LRRC38: variants seen among roughly 807,000 people sequenced by gnomAD.
The protein encoded by LRRC38 is leucine rich repeat containing 38.
LRRC38 carries 5 observed loss-of-function variants against 16.4 expected under a neutral mutation model. The observed-to-expected ratio is 0.31, with a 90% CI of 0.16 to 0.64. LRRC38 has a LOEUF of 0.64. LRRC38 is among the 30% of genes least tolerant of loss of function. The pLI is 0.80. For missense variants in LRRC38, 341 were observed against 401.8 expected, an observed-to-expected ratio of 0.85 and a Z score of 1.29; for synonymous variants, 191 against 190.2, an observed-to-expected ratio of 1.00 and a Z score of -0.04.
At position 13,487,879 on chromosome 1, in the gene LRRC38, G is replaced by A. The variant is rs1020925376; in HGVS notation, c.632-11780C>T. Among the ~76,000 whole-genome samples, 7 of 152,014 alleles carry A rather than the reference G, an allele frequency of 4.6e-5. No homozygotes were observed. Among genetic ancestry groups the A allele is most frequent in the Non-Finnish European group, 8.8e-5 (6 of 68,008 alleles). ...AGATTAACAACAGGCTCTGGTAAGCGCTTTTTGTCATTAAAAATATTTTTT... is the reference window on the plus strand; with the variant it reads ...AGATTAACAACAGGCTCTGGTAAGCACTTTTTGTCATTAAAAATATTTTTT... On this transcript the variant is annotated intron_variant, in intron 1 of 1. Transcript: ENST00000376085. The surrounding 1 kb of genome is among the most constrained non-coding windows in gnomAD (Gnocchi z 4.4).
intron 1 of LRRC38, among the ~76,000 whole-genome samples, chr1:13,489,411 G>C (rs1381255599): frequency 1.3e-5 from 2 of 152,102 alleles, no homozygotes; most frequent in Non-Finnish European, 2.9e-5. Flanking sequence ...AGTCACCTTT[G>C]ATATCTCTCA....
At chr1:13,496,156 A>AATAT (rs35329337) in intron 1 of LRRC38, among the ~76,000 whole-genome samples, 55 of 150,574 alleles carry the variant, frequency 3.7e-4, no homozygotes, top group East Asian at 2.2e-3. Context: ...GCGCTGATCA[A>AATAT]ATATATATAT....
In LRRC38 at chr1:13,513,483, C is replaced by A. The variant is rs1335309858; in HGVS notation, c.111G>T (p.Pro37=). 3.9e-6 allele frequency: 6 copies of A among 1,537,798 alleles called. No homozygotes were observed. In the African/African-American group the frequency reaches 8.2e-5, roughly 21 times the overall value. Residue 37 remains proline (P), a synonymous_variant, in exon 1 of 2, where the codon CCG becomes CCT. Coordinates refer to ENST00000376085, the MANE Select transcript of LRRC38 (RefSeq NM_001010847.2). ...CGCGGTCGCGGCAGTCCACGGTGTG[C>A]GGGTCGGTGCAGGCGCAGCCCGCGG... ...ACPAGCACTD[P]HTVDCRDRGL...
intron 1 of LRRC38, among the ~76,000 whole-genome samples, chr1:13,479,583 G>A (rs1277327920): frequency 3.3e-5 from 5 of 152,168 alleles, no homozygotes; most frequent in Non-Finnish European, 4.4e-5. Flanking sequence ...ACATTTCTCC[G>A]TGGCTAGAAG....
chr1:13,496,886 C>T (rs928249625), intron 1 of LRRC38, among the ~76,000 whole-genome samples: 13 of 152,026 alleles, frequency 8.6e-5, no homozygotes, highest in African/African-American at 2.2e-4. Context: ...AATGGGGCTG[C>T]GGCCCAGGGA....
intron 1 of LRRC38, among the ~76,000 whole-genome samples, chr1:13,499,133 A>G (rs908036757): frequency 2.6e-5 from 4 of 152,068 alleles, no homozygotes; most frequent in Non-Finnish European, 4.4e-5. Context: ...GTCTTACTCT[A>G]TCACCCAGGC....
chr1:13,508,749 AGTGTGACCT>A, intron 1 of LRRC38, among the ~76,000 whole-genome samples: 3 of 152,260 alleles, frequency 2.0e-5, no homozygotes, highest in Non-Finnish European at 2.9e-5. Flanking sequence ...AGAAAGGACC[AGTGTGACCT>A]TCAGGCAAGC....
At position 13,475,671 on chromosome 1, in the gene LRRC38, T is replaced by C; in HGVS notation, c.*175A>G. The C allele has an allele frequency of 6.6e-6, 5 of 758,164 alleles. No individual in the cohort carries two copies. The South Asian group carries it at 9.6e-5, about 15-fold the overall frequency. 47.0% of individuals were successfully genotyped at this position (758,164 alleles called of 1,614,324 possible). On this transcript the variant is annotated 3_prime_UTR_variant, in exon 2 of 2. Coordinates refer to ENST00000376085, the MANE Select transcript of LRRC38 (RefSeq NM_001010847.2). The surrounding 1 kb of genome is among the most constrained non-coding windows in gnomAD (Gnocchi z 4.3). ...CTGGGCTTCTGTGCTCTGCTGATTC[T>C]AAACTCTGAGATCAGTGGTCCCAGC... is the stretch of plus-strand genomic sequence containing the variant.
rs574415465 is a variant in LRRC38, at chr1:13,512,510, C to G, written c.631+453G>C. Among the ~76,000 whole-genome samples, 161 of 152,260 alleles carry G rather than the reference C, an allele frequency of 1.1e-3. 2 individuals carry two copies. The highest frequency in any genetic ancestry group is 3.8e-3 in the African/African-American group (156 of 41,560). ...AGAAGAGCAAACTGGAGCTGAGAAG[C>G]TGAGAGGCCAGGTTAGGCTCGGGAA... On this transcript the variant is annotated intron_variant, in intron 1 of 1. Coordinates refer to ENST00000376085, the MANE Select transcript of LRRC38 (RefSeq NM_001010847.2).
chr1:13,498,630 C>CA (rs1373096776), intron 1 of LRRC38, among the ~76,000 whole-genome samples: 3 of 152,082 alleles, frequency 2.0e-5, no homozygotes, highest in South Asian at 2.1e-4. Flanking sequence ...GACTCTGTCT[C>CA]AAAAAACAAA....
chr1:13,485,512 G>C (rs1483140250), intron 1 of LRRC38, among the ~76,000 whole-genome samples: 4 of 151,930 alleles, frequency 2.6e-5, no homozygotes, highest in Non-Finnish European at 5.9e-5. Flanking sequence ...TGTTTGCAGT[G>C]AGCCAAGATT....
chr1:13,502,964 G>A (rs2999899), intron 1 of LRRC38, among the ~76,000 whole-genome samples: 64,411 of 152,102 alleles, frequency 0.42, 15,424 homozygotes, highest in Middle Eastern at 0.62. Flanking sequence ...AACTCAAGGA[G>A]GGAAGTATTC....
rs185156643 is a variant in LRRC38 at position 13,489,883 on chromosome 1, A to G, written c.632-13784T>C. Among the ~76,000 whole-genome samples, 5 of 152,232 alleles carry G rather than the reference A, an allele frequency of 3.3e-5. No homozygotes were observed. In the East Asian group the frequency reaches 7.7e-4, roughly 24 times the overall value. On this transcript the variant is annotated intron_variant, in intron 1 of 1. Transcript: ENST00000376085. ...GCTGATTTTGCTAAGAGGAAGCTAC[A>G]TCTGCAGCTTCGGGTCAAGGGCTCA...
intron 1 of LRRC38, 146 bp downstream of exon 1, chr1:13,512,817 C>T (rs543437633): frequency 8.5e-6 from 7 of 822,708 alleles, no homozygotes; most frequent in Non-Finnish European, 1.3e-5. Flanking sequence ...CACCCACTTC[C>T]CCAGCAGAGA....
chr1:13,476,007 T>C lies in LRRC38; in HGVS notation c.724A>G (p.Ser242Gly). Residue 242 changes from serine to glycine, a missense_variant, in exon 2 of 2, where the codon AGC becomes GGC. Coordinates refer to ENST00000376085, the MANE Select transcript of LRRC38 (RefSeq NM_001010847.2). Reference sequence around the variant, plus strand: ...ATGCAGAGGTCTGTGAGTGACAGGCTGAACCTACACTCGCTGAAGCTGGCC... The same window carrying C: ...ATGCAGAGGTCTGTGAGTGACAGGCCGAACCTACACTCGCTGAAGCTGGCC... ...SEASFSECRF[S>G]LSLTDLCIII... 1 of 1,550,504 alleles carries C rather than the reference T, an allele frequency of 6.4e-7. No individual in the cohort carries two copies. Among genetic ancestry groups the C allele is most frequent in the Non-Finnish European group, 8.7e-7 (1 of 1,146,974 alleles).
chr1:13,480,316 G>A (rs761812019), intron 1 of LRRC38, among the ~76,000 whole-genome samples: 22 of 152,216 alleles, frequency 1.4e-4, no homozygotes, highest in South Asian at 4.1e-4. Context: ...TTGCACTCCA[G>A]CCTGGGTAAT....
At chr1:13,493,340 G>T (rs969821043) in intron 1 of LRRC38, among the ~76,000 whole-genome samples, 3 of 151,760 alleles carry the variant, frequency 2.0e-5, no homozygotes, top group African/African-American at 7.3e-5. Flanking sequence ...GGCCTTTGGG[G>T]TGGGCAAGGA....
At chr1:13,492,816 G>A (rs930080550) in intron 1 of LRRC38, among the ~76,000 whole-genome samples, 2 of 152,200 alleles carry the variant, frequency 1.3e-5, no homozygotes, top group African/African-American at 4.8e-5. Context: ...TGTGGACCCA[G>A]CAGATCTCAA....
intron 1 of LRRC38, among the ~76,000 whole-genome samples, chr1:13,488,313 G>C (rs1290215654): frequency 6.7e-6 from 1 of 150,260 alleles, no homozygotes; most frequent in Admixed American, 6.6e-5. Flanking sequence ...CTGTCGCCCA[G>C]GCTGGAGTAT....
Sources: allele counts gnomAD v4.1 joint callset (sites outside exome capture counted in the v4.1 genomes callset), GRCh38; gene constraint gnomAD v4.1.1; non-coding constraint Gnocchi (gnomAD v3.1); transcripts MANE v1.5; gene names NCBI Gene and HGNC (gene_info 2026-07-23, HGNC 2026-07-21).